The following ICA1L variants were observed in gnomAD, a reference collection of about 807,000 sequenced individuals.
ICA1L encodes the protein islet cell autoantigen 1-like protein.
ICA1L carries 50 observed loss-of-function variants against 61.3 expected under a neutral mutation model. That is an observed-to-expected ratio of 0.82 (90% CI 0.65 to 1.03). The LOEUF is 1.03. ICA1L is among the 50% of genes least tolerant of loss of function. The probability of loss-of-function intolerance (pLI) is 0.00; values close to 1 mark genes in which losing one functional copy is unlikely to be tolerated. For missense variants in ICA1L, 508 were observed against 556.7 expected, an observed-to-expected ratio of 0.91 and a Z score of 0.88; for synonymous variants, 161 against 191.3, an observed-to-expected ratio of 0.84 and a Z score of 1.31.
At chr2:202,797,268 C>T (rs745499285) in intron 9 of ICA1L, among the ~76,000 whole-genome samples, 5 of 151,928 alleles carry the variant, frequency 3.3e-5, no homozygotes, top group Non-Finnish European at 7.4e-5. Context: ...CTGTTCCTTC[C>T]TTGGTGGAGC....
chr2:202,841,765 G>C, intron 1 of ICA1L: 1 of 447,198 alleles, frequency 2.2e-6, no homozygotes, highest in Non-Finnish European at 4.4e-6. Context: ...GGACTTCTGG[G>C]TCACCATGAT....
intron 4 of ICA1L, 92 bp from the exon 5 acceptor site, chr2:202,819,991 C>A: frequency 1.1e-6 from 1 of 926,628 alleles, no homozygotes; most frequent in Non-Finnish European, 1.6e-6. Flanking sequence ...TATTTGCTAA[C>A]AAGATGAATC....
intron 1 of ICA1L, among the ~76,000 whole-genome samples, chr2:202,853,183 C>G (rs1273645952): frequency 6.6e-6 from 1 of 151,710 alleles, no homozygotes; most frequent in Non-Finnish European, 1.5e-5. Context: ...ATGATGAAAC[C>G]CCGTCTCTAC....
chr2:202,854,110 G>A (rs1048544711), intron 1 of ICA1L, among the ~76,000 whole-genome samples: 1 of 152,006 alleles, frequency 6.6e-6, no homozygotes, highest in Non-Finnish European at 1.5e-5. Flanking sequence ...ATTGGATAGA[G>A]TCAAGACCCA....
At chr2:202,790,119 G>A (rs1266941967) in intron 10 of ICA1L, among the ~76,000 whole-genome samples, 2 of 152,018 alleles carry the variant, frequency 1.3e-5, no homozygotes, top group African/African-American at 4.8e-5. Flanking sequence ...ACAGAATGGG[G>A]TGTTGCCTGA....
At position 202,819,940 on chromosome 2, in the gene ICA1L, A is replaced by G. The variant is rs779754765; in HGVS notation, c.360-41T>C. 14 of 1,451,888 alleles carry G rather than the reference A, an allele frequency of 9.6e-6. No individual in the cohort carries two copies. The South Asian group carries it at 1.4e-4, about 15-fold the overall frequency. The allele number at this position is 1,451,888 out of a possible 1,614,324, so 89.9% of individuals were successfully genotyped here. On this transcript the variant is annotated intron_variant, in intron 4 of 12. Coordinates refer to ENST00000358299, the MANE Select transcript of ICA1L (RefSeq NM_001288622.3). Reference sequence around the variant, plus strand: ...TAAAAATCAGAGGGTTGAACACATCATAAGTAAAACAAAACAAAGGTTTAA... The same window carrying G: ...TAAAAATCAGAGGGTTGAACACATCGTAAGTAAAACAAAACAAAGGTTTAA...
chr2:202,858,728 C>G (rs560031155), intron 1 of ICA1L, among the ~76,000 whole-genome samples: 6 of 152,294 alleles, frequency 3.9e-5, no homozygotes, highest in African/African-American at 1.4e-4. Flanking sequence ...TGCCACTGAG[C>G]AAACCTTTCC....
At position 202,774,040 on chromosome 2, in the gene ICA1L, T is replaced by G; in HGVS notation, c.*5493A>C. 2 of 896,082 alleles carry G rather than the reference T, an allele frequency of 2.2e-6. No homozygotes were observed. The highest frequency in any genetic ancestry group is 3.5e-6 in the Non-Finnish European group (2 of 572,014). The allele number at this position is 896,082 out of a possible 1,614,324, so 55.5% of individuals were successfully genotyped here. Reference sequence around the variant, plus strand: ...AAATTATGAACTAGCGCTGCTCCACTTCTTGCTTCTTTGATGTGTCATCCT... The same window carrying G: ...AAATTATGAACTAGCGCTGCTCCACGTCTTGCTTCTTTGATGTGTCATCCT... On this transcript the variant is annotated 3_prime_UTR_variant, in exon 13 of 13. Coordinates refer to ENST00000358299, the MANE Select transcript of ICA1L (RefSeq NM_001288622.3).
chr2:202,843,908 T>G (rs1429007884), intron 1 of ICA1L, among the ~76,000 whole-genome samples: 1 of 152,222 alleles, frequency 6.6e-6, no homozygotes, highest in Non-Finnish European at 1.5e-5. Context: ...ATTTCCAACT[T>G]CCCAGAAAGT....
In ICA1L at chr2:202,828,878, C is replaced by T. The variant is rs1693926254; in HGVS notation, c.132G>A (p.Ala44=). Residue 44 remains alanine (A), a synonymous_variant, in exon 2 of 13, where the codon GCG becomes GCA. Coordinates refer to ENST00000358299, the MANE Select transcript of ICA1L (RefSeq NM_001288622.3). ...GTTTAGCATCCAGTTCAGCATCAGA[C>T]GCCACCAAGTGCTCATCCTCTTTTT... The part of the protein sequence containing the change: ...TGKKEDEHLV[A]SDAELDAKLE... 2.5e-6 allele frequency: 4 copies of T among 1,613,878 alleles called. No homozygotes were observed. Among genetic ancestry groups the T allele is most frequent in the Non-Finnish European group, 3.4e-6 (4 of 1,179,972 alleles).
At chr2:202,844,865 T>A (rs1468746764) in intron 1 of ICA1L, among the ~76,000 whole-genome samples, 4 of 152,112 alleles carry the variant, frequency 2.6e-5, no homozygotes, top group Non-Finnish European at 5.9e-5. Context: ...GAGGTCAGAG[T>A]CCTAAAATAA....
intron 12 of ICA1L, among the ~76,000 whole-genome samples, chr2:202,783,351 A>G (rs1692471928): frequency 6.6e-6 from 1 of 152,220 alleles, no homozygotes; most frequent in Admixed American, 6.5e-5. Flanking sequence ...AACGTGACAG[A>G]TACCACCATA....
At chr2:202,809,504 C>T (rs904364139) in intron 9 of ICA1L, among the ~76,000 whole-genome samples, 16 of 151,950 alleles carry the variant, frequency 1.1e-4, no homozygotes, top group African/African-American at 3.4e-4. Flanking sequence ...CAAAATTAAC[C>T]TGGCATGGTA....
intron 1 of ICA1L, among the ~76,000 whole-genome samples, chr2:202,833,398 T>G (rs994895901): frequency 3.3e-5 from 5 of 152,066 alleles, no homozygotes; most frequent in African/African-American, 1.2e-4. Flanking sequence ...CTGGCCAAGA[T>G]GGCAAGACTC....
chr2:202,820,000 T>G, intron 4 of ICA1L, 101 bp from the exon 5 acceptor site: 1 of 854,086 alleles, frequency 1.2e-6, no homozygotes, highest in Non-Finnish European at 1.8e-6. Context: ...ACAAGATGAA[T>G]CTACAAGTAA....
intron 1 of ICA1L, among the ~76,000 whole-genome samples, chr2:202,858,551 T>C (rs534165733): frequency 1.1e-4 from 17 of 152,274 alleles, no homozygotes; most frequent in Admixed American, 1.1e-3. Context: ...GACAGGTTGA[T>C]AGGTGTAGCA....
At chr2:202,821,516 C>G (rs765686944) in intron 3 of ICA1L, 35 bp from the exon 4 acceptor site, 1 of 1,211,140 alleles carries the variant, frequency 8.3e-7, no homozygotes. Flanking sequence ...TAATTGTTTC[C>G]TTTCATCATT....
rs1327157782 is a variant in ICA1L at position 202,774,282 on chromosome 2, G to GGCACCT, written c.*5245_*5250dup. 1 of 1,532,986 alleles carries GGCACCT rather than the reference G, an allele frequency of 6.5e-7. No individual in the cohort carries two copies. Among genetic ancestry groups the GGCACCT allele is most frequent in the African/African-American group, 1.4e-5 (1 of 71,842 alleles). The allele number at this position is 1,532,986 out of a possible 1,614,324, so 95.0% of individuals were successfully genotyped here. On this transcript the variant is annotated 3_prime_UTR_variant, in exon 13 of 13. Transcript: ENST00000358299. Reference sequence around the variant, plus strand: ...AAAGGCCGTGACCCCGACGCGTGCAGGCACCTACGGGCGACCGCGGACGGC... The same window carrying GGCACCT: ...AAAGGCCGTGACCCCGACGCGTGCAGGCACCTGCACCTACGGGCGACCGCGGACGGC...
rs1256411744 is a variant in ICA1L, at chr2:202,785,993, C to T, written c.1258G>A (p.Glu420Lys). 2 of 1,603,420 alleles carry T rather than the reference C, an allele frequency of 1.2e-6. No individual in the cohort carries two copies. The highest frequency in any genetic ancestry group is 2.2e-5 in the South Asian group (2 of 90,152). ...AGAFNNWVSQ[E>K]ESELCLSHTD... ...TGTGAAAGACAAAGTTCTGATTCCT[C>T]TTGGGAGACCCAGTCTGGGATAAAA... is the stretch of plus-strand genomic sequence containing the variant. The change falls in exon 12 of 13, where the codon GAG (glutamate) becomes AAG (lysine). Residue 420 changes from glutamate (E) to lysine (K), a missense_variant. By Grantham distance (56) the Glu-to-Lys change is moderately conservative (BLOSUM62 1). Coordinates refer to ENST00000358299, the MANE Select transcript of ICA1L (RefSeq NM_001288622.3).
Sources: gnomAD v4.1 joint callset for allele counts (sites outside exome capture counted in the v4.1 genomes callset) on GRCh38, gnomAD v4.1.1 for gene constraint, MANE v1.5 for transcripts, NCBI Gene and HGNC (gene_info 2026-07-23, HGNC 2026-07-21) for gene names.